The following SMYD1 variants were observed in gnomAD, a reference collection of about 807,000 sequenced individuals.
SMYD1 encodes SET and MYND domain containing 1, also known as histone-lysine N-methyltransferase SMYD1.
In SMYD1, 49 loss-of-function variants were observed where a neutral mutation model predicts 54.0. The observed-to-expected ratio is 0.91, with a 90% CI of 0.72 to 1.15. The LOEUF (loss-of-function observed/expected upper bound fraction) is 1.15. SMYD1 is among the 50% of genes most tolerant of loss of function. The pLI is 0.00. For synonymous variants in SMYD1, 269 were observed against 234.2 expected (o/e 1.15, Z -1.36); for missense variants, 653 against 639.6 (o/e 1.02, Z -0.23).
intron 8 of SMYD1, among the ~76,000 whole-genome samples, chr2:88,107,435 G>A (rs1377672051): frequency 2.0e-5 from 3 of 152,200 alleles, no homozygotes; most frequent in African/African-American, 4.8e-5. Context: ...TCTCAAAAAG[G>A]ACATTTAAAT....
At chr2:88,105,406 T>C (rs2104014021) in intron 7 of SMYD1, among the ~76,000 whole-genome samples, 1 of 151,662 alleles carries the variant, frequency 6.6e-6, no homozygotes, top group African/African-American at 2.4e-5. Flanking sequence ...CACATATCGA[T>C]ATCTTTAGAG....
chr2:88,096,099 G>A (rs1160917716), intron 5 of SMYD1, among the ~76,000 whole-genome samples: 1 of 152,206 alleles, frequency 6.6e-6, no homozygotes, highest in Non-Finnish European at 1.5e-5. Context: ...TGGACTGAAG[G>A]TTAAGAGGTG....
intron 9 of SMYD1, 121 bp from the exon 10 acceptor site, chr2:88,110,233 G>GTGTT: frequency 2.0e-6 from 2 of 991,832 alleles, no homozygotes; most frequent in Non-Finnish European, 3.0e-6. Context: ...GTGTGTGTGT[G>GTGTT]TATTCTGAGG....
At chr2:88,094,567 C>G (rs1422885389) in intron 5 of SMYD1, among the ~76,000 whole-genome samples, 8 of 152,124 alleles carry the variant, frequency 5.3e-5, no homozygotes, top group Non-Finnish European at 8.8e-5. Flanking sequence ...ATTCCCCTCC[C>G]CCAATCTCCA....
chr2:88,085,893 G>C (rs747152826), intron 2 of SMYD1, among the ~76,000 whole-genome samples: 4 of 152,208 alleles, frequency 2.6e-5, no homozygotes, highest in Admixed American at 1.3e-4. Flanking sequence ...GGAAACAGAT[G>C]GTTGGTGATG....
rs1486207826 is a variant in SMYD1, at chr2:88,103,100, G to T, written c.931G>T (p.Asp311Tyr). ...VVKEMIQFSK[D>Y]TLEKIDKARS... ...GAAGGAGATGATACAATTCTCCAAG[G>T]ATACATTGGAAAAGATAGACAAGGC... is the stretch of plus-strand genomic sequence containing the variant. The change falls in exon 7 of 10, where the codon GAT (aspartate) becomes TAT (tyrosine). Residue 311 changes from aspartate to tyrosine, a missense_variant. Physicochemically the swap from Asp to Tyr is radical, Grantham distance 160. Transcript: ENST00000419482. 2 of 1,613,986 alleles carry T rather than the reference G, an allele frequency of 1.2e-6. No individual in the cohort carries two copies. Among genetic ancestry groups the T allele is most frequent in the Admixed American group, 1.7e-5 (1 of 59,992 alleles).
rs760703074 is a variant in SMYD1, at chr2:88,106,468, G to A, written c.1125G>A (p.Arg375=). The A allele has an allele frequency of 3.1e-6, 5 of 1,613,984 alleles. No individual in the cohort carries two copies. In the African/African-American group the frequency reaches 6.7e-5, roughly 22 times the overall value. The change falls in exon 8 of 10, where the codon AGG becomes AGA. Residue 375 remains arginine (R), a synonymous_variant. Coordinates refer to ENST00000419482, the MANE Select transcript of SMYD1 (RefSeq NM_198274.4). ...QAFEEASFYA[R]RMVDGYMKLY... Reference sequence around the variant, plus strand: ...TTGAGGAGGCCTCGTTCTATGCCAGGAGGATGGTGGACGGCTATATGTAGG... The same window carrying A: ...TTGAGGAGGCCTCGTTCTATGCCAGAAGGATGGTGGACGGCTATATGTAGG...
chr2:88,110,102 T>C (rs1674975564), intron 9 of SMYD1, among the ~76,000 whole-genome samples: 1 of 152,154 alleles, frequency 6.6e-6, no homozygotes, highest in East Asian at 1.9e-4. Context: ...CAAGCATTCT[T>C]TTCTGAGAAC....
Position 88,096,642 on chromosome 2 carries a change from CTG to C in SMYD1, c.750_751del (p.Ser251LeufsTer3). 1 of 1,614,134 alleles carries C rather than the reference CTG, an allele frequency of 6.2e-7. No individual in the cohort carries two copies. Among genetic ancestry groups the C allele is most frequent in the South Asian group, 1.1e-5 (1 of 91,064 alleles). ...AAGATCTCAGAAGGAGAGGAGCTGACTGTGTCCTATATTGACTTCCTCAACGT... is the reference window on the plus strand; with the variant it reads ...AAGATCTCAGAAGGAGAGGAGCTGACTGTCCTATATTGACTTCCTCAACGT... On this transcript the variant is annotated frameshift_variant, in exon 6 of 10. Coordinates refer to ENST00000419482, the MANE Select transcript of SMYD1 (RefSeq NM_198274.4). LOFTEE classifies it high-confidence loss of function.
Position 88,096,788 on chromosome 2 carries a change from C to T in SMYD1, c.888+4C>T, listed in dbSNP as rs749525863. The T allele has an allele frequency of 3.7e-6, 6 of 1,610,712 alleles. No homozygotes were observed. In the Admixed American group the frequency reaches 1.0e-4, roughly 27 times the overall value. ...GGGGGTGAAAGACAACCCCAAGGTA[C>T]ACACAGCCCTGCTGCTGAGGTGTTT... is the stretch of plus-strand genomic sequence containing the variant. On this transcript the variant is annotated splice_donor_region_variant and intron_variant, in intron 6 of 9. Transcript: ENST00000419482.
intron 1 of SMYD1, among the ~76,000 whole-genome samples, chr2:88,073,660 T>C (rs1337281902): frequency 6.6e-6 from 1 of 152,208 alleles, no homozygotes; most frequent in Non-Finnish European, 1.5e-5. Flanking sequence ...TTGATATAGA[T>C]TTCCAAATTA....
rs73947534 is a variant in SMYD1, at chr2:88,088,392, G to A, written c.528+317G>A. ...GAGTATGATTCCTTATCAAGGAGGG[G>A]CCATGGTGACAGCTGGGATCGTCCA... On this transcript the variant is annotated intron_variant, in intron 3 of 9. Coordinates refer to ENST00000419482, the MANE Select transcript of SMYD1 (RefSeq NM_198274.4). 8.5e-3 allele frequency among the ~76,000 whole-genome samples: 1,290 copies of A among 152,224 alleles called. 24 individuals are homozygous for A. The highest frequency in any genetic ancestry group is 0.03 in the African/African-American group (1,235 of 41,518).
intron 3 of SMYD1, 125 bp downstream of exon 3, chr2:88,088,200 C>T (rs985641920): frequency 3.7e-6 from 4 of 1,093,940 alleles, no homozygotes; most frequent in African/African-American, 1.6e-5. Flanking sequence ...CTGCCCTGGA[C>T]CCTGATTTCT....
intron 8 of SMYD1, 41 bp downstream of exon 8, chr2:88,106,529 G>T: frequency 6.3e-7 from 1 of 1,590,322 alleles, no homozygotes; most frequent in South Asian, 1.1e-5. Flanking sequence ...TCCTGGAAGT[G>T]TGTGTATTCC....
intron 1 of SMYD1, among the ~76,000 whole-genome samples, chr2:88,078,572 G>A (rs1674120952): frequency 6.8e-6 from 1 of 147,710 alleles, no homozygotes; most frequent in Admixed American, 6.8e-5. Flanking sequence ...AGGGGAGATG[G>A]GAACCAGAGG....
In SMYD1 at chr2:88,110,616, C is replaced by T. The variant is rs1675000139; in HGVS notation, c.*104C>T. On this transcript the variant is annotated 3_prime_UTR_variant, in exon 10 of 10. Coordinates refer to ENST00000419482, the MANE Select transcript of SMYD1 (RefSeq NM_198274.4). ...CCCTAATGAGGAAGTTGAGGTAATGCTTAACATTGTTGCTGTGAGAATTTA... is the reference window on the plus strand; with the variant it reads ...CCCTAATGAGGAAGTTGAGGTAATGTTTAACATTGTTGCTGTGAGAATTTA... 1 of 1,341,932 alleles carries T rather than the reference C, an allele frequency of 7.5e-7. No individual in the cohort carries two copies. Among genetic ancestry groups the T allele is most frequent in the Non-Finnish European group, 9.9e-7 (1 of 1,011,334 alleles). The allele number at this position is 1,341,932 out of a possible 1,614,324, so 83.1% of individuals were successfully genotyped here. A position where few individuals can be genotyped will look rare whatever the true frequency, so the allele number is the denominator to read the frequency against.
intron 6 of SMYD1, among the ~76,000 whole-genome samples, chr2:88,102,162 G>A (rs1323225886): frequency 6.6e-6 from 1 of 151,374 alleles, no homozygotes; most frequent in Non-Finnish European, 1.5e-5. Flanking sequence ...TTTTCATTTT[G>A]GAAGAAAGTT....
At chr2:88,083,822 C>T (rs963813705) in intron 1 of SMYD1, among the ~76,000 whole-genome samples, 4 of 152,260 alleles carry the variant, frequency 2.6e-5, no homozygotes, top group Admixed American at 2.0e-4. Context: ...GTAGGCCAGG[C>T]GCGGTGGCTC....
At chr2:88,094,529 C>T (rs12614850) in intron 5 of SMYD1, among the ~76,000 whole-genome samples, 36,371 of 152,078 alleles carry the variant, frequency 0.24, 4,357 homozygotes, top group Middle Eastern at 0.27. Flanking sequence ...CTCCTGCCTC[C>T]TGCAGTGCTT....
Sources: allele counts gnomAD v4.1 joint callset (sites outside exome capture counted in the v4.1 genomes callset), GRCh38; gene constraint gnomAD v4.1.1; transcripts MANE v1.5; gene names NCBI Gene and HGNC (gene_info 2026-07-23, HGNC 2026-07-21).